Variants in SAMTOR observed in about 807,000 individuals in gnomAD.
SAMTOR encodes S-adenosylmethionine sensor upstream of mTORC1, also known as UPF0532 protein C7orf60.
chr7:112,841,964 C>A, the SAMTOR span, among the ~76,000 whole-genome samples: 2 of 152,174 alleles, frequency 1.3e-5, no homozygotes, highest in South Asian at 4.1e-4. Flanking sequence ...AGACCTAAAA[C>A]CATAAAATAG....
At chr7:112,857,079 CTTTTTT>C in the SAMTOR span, among the ~76,000 whole-genome samples, 8 of 105,778 alleles carry the variant, frequency 7.6e-5, no homozygotes, top group African/African-American at 3.0e-4. Context: ...TTCTTTTAAT[CTTTTTT>C]TTTTTTTTTT....
chr7:112,886,152 T>G, the SAMTOR span, among the ~76,000 whole-genome samples: 2 of 152,126 alleles, frequency 1.3e-5, no homozygotes, highest in Admixed American at 1.3e-4. Context: ...ACCCCCATGA[T>G]TTAATTACCT....
At chr7:112,874,179 T>G in the SAMTOR span, among the ~76,000 whole-genome samples, 1,619 of 152,120 alleles carry the variant, frequency 0.011, 30 homozygotes, top group African/African-American at 0.037. Flanking sequence ...ATTTGACCCA[T>G]CAATCCCATT....
the SAMTOR span, among the ~76,000 whole-genome samples, chr7:112,929,926 A>G: frequency 6.6e-6 from 1 of 152,132 alleles, no homozygotes; most frequent in Non-Finnish European, 1.5e-5. Flanking sequence ...CAAGCATGGT[A>G]TATGTTACAA....
At chr7:112,868,213 C>T in the SAMTOR span, among the ~76,000 whole-genome samples, 1 of 152,276 alleles carries the variant, frequency 6.6e-6, no homozygotes, top group South Asian at 2.1e-4. Flanking sequence ...AGAGTTTTGT[C>T]TTTTTTCCCC....
the SAMTOR span, among the ~76,000 whole-genome samples, chr7:112,870,892 C>A: frequency 6.6e-6 from 1 of 151,886 alleles, no homozygotes; most frequent in African/African-American, 2.4e-5. Flanking sequence ...ATTCTTTTAT[C>A]AGATAAAACA....
chr7:112,914,453 C>G, the SAMTOR span, among the ~76,000 whole-genome samples: 1 of 151,844 alleles, frequency 6.6e-6, no homozygotes, highest in Non-Finnish European at 1.5e-5. Context: ...CTTATCCTTT[C>G]TTATAATTTT....
the SAMTOR span, among the ~76,000 whole-genome samples, chr7:112,918,923 G>T: frequency 6.6e-6 from 1 of 152,232 alleles, no homozygotes; most frequent in South Asian, 2.1e-4. Context: ...ATGCACCCAA[G>T]ACAGGAGCAC....
chr7:112,890,573 T>G, the SAMTOR span, among the ~76,000 whole-genome samples: 3 of 151,942 alleles, frequency 2.0e-5, no homozygotes, highest in African/African-American at 7.3e-5. Context: ...AAGTAGTAAA[T>G]GGACTCTTGA....
chr7:112,877,626 G>A, the SAMTOR span, among the ~76,000 whole-genome samples: 1 of 152,050 alleles, frequency 6.6e-6, no homozygotes, highest in Non-Finnish European at 1.5e-5. Context: ...CTAGTGTATG[G>A]CTGGTATAGT....
At chr7:112,864,664 C>T in the SAMTOR span, among the ~76,000 whole-genome samples, 3 of 152,214 alleles carry the variant, frequency 2.0e-5, no homozygotes, top group South Asian at 2.1e-4. Context: ...CAAATTAACA[C>T]AGGTAACAAT....
the SAMTOR span, chr7:112,895,601 G>C: frequency 6.3e-7 from 1 of 1,576,032 alleles, no homozygotes; most frequent in Non-Finnish European, 8.7e-7. Context: ...TAAAGCTGAG[G>C]TTGGTTAAAT....
the SAMTOR span, among the ~76,000 whole-genome samples, chr7:112,911,523 A>G: frequency 2.0e-5 from 3 of 152,178 alleles, no homozygotes; most frequent in Non-Finnish European, 2.9e-5. Context: ...CAGTATAAAA[A>G]CAGAATTATC....
chr7:112,926,479 A>G, the SAMTOR span, among the ~76,000 whole-genome samples: 1 of 152,290 alleles, frequency 6.6e-6, no homozygotes, highest in Non-Finnish European at 1.5e-5. Flanking sequence ...CTGAAGTCCT[A>G]AGGAAGAATT....
chr7:112,847,005 T>C, the SAMTOR span, among the ~76,000 whole-genome samples: 1 of 152,248 alleles, frequency 6.6e-6, no homozygotes, highest in South Asian at 2.1e-4. Flanking sequence ...GATTTACTCT[T>C]GGTAAGTTCT....
the SAMTOR span, among the ~76,000 whole-genome samples, chr7:112,841,468 T>C: frequency 1.3e-4 from 20 of 152,136 alleles, no homozygotes; most frequent in Non-Finnish European, 2.4e-4. Flanking sequence ...TCCTAATGGA[T>C]AGGAAGAATC....
chr7:112,867,202 T>C, the SAMTOR span, among the ~76,000 whole-genome samples: 2 of 152,348 alleles, frequency 1.3e-5, no homozygotes, highest in South Asian at 4.1e-4. Flanking sequence ...TTGTCAATCT[T>C]AATACAATTG....
At chr7:112,908,514 T>C in the SAMTOR span, among the ~76,000 whole-genome samples, 1 of 152,156 alleles carries the variant, frequency 6.6e-6, no homozygotes, top group African/African-American at 2.4e-5. Flanking sequence ...AATCTTACTA[T>C]ACACACAAAC....
the SAMTOR span, among the ~76,000 whole-genome samples, chr7:112,933,855 C>T: frequency 1.3e-5 from 2 of 152,094 alleles, no homozygotes; most frequent in African/African-American, 2.4e-5. Flanking sequence ...AGCCAACTAA[C>T]GTTTTAAGAA....
Sources: gnomAD v4.1 joint callset for allele counts (sites outside exome capture counted in the v4.1 genomes callset) on GRCh38, gnomAD v4.1.1 for gene constraint, MANE v1.5 for transcripts, NCBI Gene and HGNC (gene_info 2026-07-23, HGNC 2026-07-21) for gene names.